The following SYN3 variants were observed in gnomAD, a reference collection of about 807,000 sequenced individuals.
The protein encoded by SYN3 is synapsin III.
Under a neutral mutation model 65.8 loss-of-function variants are expected in SYN3, and 35 were observed. That is an observed-to-expected ratio of 0.53 (90% CI 0.41 to 0.70). The LOEUF (loss-of-function observed/expected upper bound fraction) is 0.70. Among genes scored for constraint, SYN3 ranks in the 30% least tolerant of loss-of-function variants. SYN3 has a pLI of 0.00. For synonymous variants in SYN3, 270 were observed against 292.9 expected (o/e 0.92, Z 0.80); for missense variants, 680 against 749.0 (o/e 0.91, Z 1.08).
intron 7 of SYN3, among the ~76,000 whole-genome samples, chr22:32,553,386 T>G (rs1326335997): frequency 6.6e-6 from 1 of 152,076 alleles, no homozygotes; most frequent in Non-Finnish European, 1.5e-5. Flanking sequence ...GCAAAAAAGG[T>G]AAAAGATATC....
At chr22:32,617,512 T>C (rs1245656974) in intron 6 of SYN3, among the ~76,000 whole-genome samples, 1 of 151,762 alleles carries the variant, frequency 6.6e-6, no homozygotes, top group Admixed American at 6.6e-5. Flanking sequence ...CCCCTTGTTC[T>C]GAGTCATCCC....
At chr22:32,559,325 T>C (rs866290888) in intron 7 of SYN3, among the ~76,000 whole-genome samples, 4 of 152,070 alleles carry the variant, frequency 2.6e-5, no homozygotes, top group Middle Eastern at 3.2e-3. Context: ...GATAAACAAA[T>C]AGATATATGA....
intron 6 of SYN3, among the ~76,000 whole-genome samples, chr22:32,775,938 G>C (rs2045897621): frequency 6.6e-6 from 1 of 152,160 alleles, no homozygotes; most frequent in Non-Finnish European, 1.5e-5. Flanking sequence ...AGGGGGTAGA[G>C]GTTTGCTTAT....
chr22:32,603,011 G>A (rs2059307793), intron 6 of SYN3, among the ~76,000 whole-genome samples: 2 of 148,754 alleles, frequency 1.3e-5, no homozygotes. Context: ...GTCTCGCTCT[G>A]TCGCCCAGGC....
intron 4 of SYN3, among the ~76,000 whole-genome samples, chr22:32,892,102 G>T (rs1206294827): frequency 6.6e-6 from 1 of 151,956 alleles, no homozygotes; most frequent in African/African-American, 2.4e-5. Flanking sequence ...AAACCAGCCT[G>T]GCCAGAATGG....
chr22:32,937,418 A>G (rs1336521712), intron 3 of SYN3, among the ~76,000 whole-genome samples: 1 of 152,204 alleles, frequency 6.6e-6, no homozygotes, highest in African/African-American at 2.4e-5. Flanking sequence ...CTATAAAGAA[A>G]AGAGATTTAA....
intron 1 of SYN3, among the ~76,000 whole-genome samples, chr22:33,017,751 T>G (rs531381359): frequency 5.4e-5 from 7 of 129,044 alleles, no homozygotes; most frequent in Non-Finnish European, 1.1e-4. Flanking sequence ...TGTTTATCGG[T>G]TCTAACAGGT....
chr22:32,740,836 C>G (rs542769795), intron 6 of SYN3, among the ~76,000 whole-genome samples: 12 of 152,238 alleles, frequency 7.9e-5, no homozygotes, highest in African/African-American at 2.6e-4. Context: ...GATGGGAGGG[C>G]TATTTTGAAG....
chr22:32,532,135 G>A (rs1020419267), intron 10 of SYN3, among the ~76,000 whole-genome samples: 10 of 152,290 alleles, frequency 6.6e-5, no homozygotes, highest in Non-Finnish European at 1.3e-4. Context: ...CAGGGCCCCT[G>A]CTCTTGTGTT....
chr22:33,027,699 AAGAG>A (rs968918557), intron 1 of SYN3, among the ~76,000 whole-genome samples: 3 of 151,916 alleles, frequency 2.0e-5, no homozygotes, highest in East Asian at 1.9e-4. Context: ...GAAAGAAAGA[AAGAG>A]AGAGAGAGAA....
intron 6 of SYN3, among the ~76,000 whole-genome samples, chr22:32,852,083 G>T (rs2048233555): frequency 6.6e-6 from 1 of 152,190 alleles, no homozygotes; most frequent in African/African-American, 2.4e-5. Context: ...CAGGCATTCT[G>T]CTAGGTCTTT....
intron 6 of SYN3, among the ~76,000 whole-genome samples, chr22:32,688,180 A>G (rs5754212): frequency 0.64 from 96,519 of 151,950 alleles, 30,944 homozygotes; most frequent in African/African-American, 0.72. Context: ...TGGTACCTTC[A>G]ACCCCACTTC....
At chr22:32,968,759 C>T (rs2051924420) in intron 3 of SYN3, among the ~76,000 whole-genome samples, 1 of 152,200 alleles carries the variant, frequency 6.6e-6, no homozygotes, top group Admixed American at 6.6e-5. Flanking sequence ...CTGAGAACAT[C>T]CCAAGGTTAG....
chr22:32,564,471 C>T (rs564799047), intron 7 of SYN3, among the ~76,000 whole-genome samples: 1 of 152,312 alleles, frequency 6.6e-6, no homozygotes, highest in East Asian at 1.9e-4. Flanking sequence ...GTAACTTTCC[C>T]AAGGTCACAC....
chr22:32,645,406 GCAC>G (rs1180686611), intron 6 of SYN3, among the ~76,000 whole-genome samples: 2 of 149,340 alleles, frequency 1.3e-5, no homozygotes, highest in African/African-American at 5.0e-5. Context: ...AGCGAAGATC[GCAC>G]CACTGCACTC....
chr22:33,009,792 A>ACC (rs1491381066), intron 1 of SYN3, among the ~76,000 whole-genome samples: 1 of 141,058 alleles, frequency 7.1e-6, no homozygotes, highest in Non-Finnish European at 1.5e-5. Flanking sequence ...ACACACACAC[A>ACC]CTTATATATG....
At chr22:32,746,648 G>C (rs2044941542) in intron 6 of SYN3, among the ~76,000 whole-genome samples, 1 of 152,110 alleles carries the variant, frequency 6.6e-6, no homozygotes, top group Admixed American at 6.5e-5. Flanking sequence ...TCTTCCTCTG[G>C]GCCCCCAGTC....
At chr22:32,671,448 C>T (rs2060361681) in intron 6 of SYN3, among the ~76,000 whole-genome samples, 1 of 152,096 alleles carries the variant, frequency 6.6e-6, no homozygotes, top group South Asian at 2.1e-4. Flanking sequence ...AACACACCCT[C>T]CCTCACACAC....
chr22:32,847,504 C>G (rs1204719403), intron 6 of SYN3, among the ~76,000 whole-genome samples: 1 of 152,316 alleles, frequency 6.6e-6, no homozygotes, highest in Non-Finnish European at 1.5e-5. Context: ...TTCATCTGAA[C>G]CCTGACTTCA....
Sources: allele counts gnomAD v4.1 joint callset (sites outside exome capture counted in the v4.1 genomes callset), GRCh38; gene constraint gnomAD v4.1.1; transcripts MANE v1.5; gene names NCBI Gene and HGNC (gene_info 2026-07-23, HGNC 2026-07-21).